Variants in POLA2 observed in about 807,000 individuals in gnomAD.
The protein encoded by POLA2 is DNA polymerase alpha subunit B.
POLA2 carries 47 observed loss-of-function variants against 82.8 expected under a neutral mutation model. The observed-to-expected ratio is 0.57, with a 90% CI of 0.45 to 0.72. The LOEUF (loss-of-function observed/expected upper bound fraction) is 0.72. Ranked by LOEUF, POLA2 falls within the 30% of genes least tolerant of loss-of-function variation. The pLI, the probability that POLA2 is intolerant of heterozygous loss-of-function variation, is 0.00. For synonymous variants in POLA2, 287 were observed against 286.8 expected, an observed-to-expected ratio of 1.00 and a Z score of -0.01; for missense variants, 634 against 728.1, an observed-to-expected ratio of 0.87 and a Z score of 1.49.
intron 4 of POLA2, among the ~76,000 whole-genome samples, chr11:65,270,710 C>G (rs950304172): frequency 6.6e-6 from 1 of 152,146 alleles, no homozygotes; most frequent in Non-Finnish European, 1.5e-5. Context: ...CCACTGCTAC[C>G]ACCAGGTCCA....
intron 4 of POLA2, among the ~76,000 whole-genome samples, 186 bp downstream of exon 4, chr11:65,268,915 T>C (rs1483300391): frequency 6.6e-6 from 1 of 152,246 alleles, no homozygotes; most frequent in East Asian, 1.9e-4. Context: ...TATAAACATA[T>C]AGTTATCCTG....
chr11:65,299,289 T>C (rs989678789), downstream of POLA2, among the ~76,000 whole-genome samples: 8 of 152,152 alleles, frequency 5.3e-5, no homozygotes, highest in African/African-American at 1.9e-4. Flanking sequence ...CCTGAAGAAA[T>C]AGTCCCGAGC....
chr11:65,265,045 G>A (rs1040395361), intron 1 of POLA2, among the ~76,000 whole-genome samples: 19 of 152,140 alleles, frequency 1.2e-4, no homozygotes, highest in African/African-American at 4.1e-4. Flanking sequence ...CCTGGCCAAC[G>A]TGGTGAAACC....
intron 13 of POLA2, among the ~76,000 whole-genome samples, chr11:65,290,230 AAG>A (rs376369398): frequency 1.3e-3 from 198 of 148,402 alleles, no homozygotes; most frequent in African/African-American, 4.6e-3. Context: ...CCTAGGCAAA[AAG>A]AGCGCAACTC....
chr11:65,296,948 CA>C (rs547282942), intron 17 of POLA2, among the ~76,000 whole-genome samples, 171 bp from the exon 18 acceptor site: 1,671 of 58,036 alleles, frequency 0.029, 22 homozygotes, highest in African/African-American at 0.076. Context: ...GACTCCATCT[CA>C]AAAAAAAAAA....
intron 10 of POLA2, 106 bp downstream of exon 10, chr11:65,282,627 C>A: frequency 2.1e-6 from 2 of 941,104 alleles, no homozygotes; most frequent in Non-Finnish European, 3.5e-6. Flanking sequence ...TGCTGAAGAG[C>A]AATGTGACCA....
chr11:65,286,272 T>C (rs2137560143), intron 10 of POLA2, among the ~76,000 whole-genome samples: 1 of 152,278 alleles, frequency 6.6e-6, no homozygotes, highest in East Asian at 1.9e-4. Flanking sequence ...GCAGGTGGCC[T>C]CTGAAAGCTG....
intron 4 of POLA2, among the ~76,000 whole-genome samples, chr11:65,269,916 C>T (rs2137505394): frequency 6.6e-6 from 1 of 152,306 alleles, no homozygotes. Flanking sequence ...GTCACTGCAA[C>T]CTCCGCCTCC....
downstream of POLA2, among the ~76,000 whole-genome samples, chr11:65,299,752 C>T (rs996744788): frequency 2.6e-5 from 4 of 152,168 alleles, no homozygotes; most frequent in Non-Finnish European, 4.4e-5. Context: ...AGTGCAGTGG[C>T]GCGATCTCGG....
downstream of POLA2, among the ~76,000 whole-genome samples, chr11:65,299,552 G>A (rs1357178991): frequency 2.6e-5 from 4 of 152,252 alleles, no homozygotes; most frequent in African/African-American, 7.2e-5. Context: ...GGGCCATGGC[G>A]CGGATCCTCC....
intron 9 of POLA2, 29 bp from the exon 10 acceptor site, chr11:65,282,450 C>A: frequency 1.2e-6 from 2 of 1,609,744 alleles, no homozygotes; most frequent in Non-Finnish European, 1.7e-6. Flanking sequence ...TGGCGCAAGA[C>A]CTTACTTGAG....
intron 7 of POLA2, 74 bp from the exon 8 acceptor site, chr11:65,280,918 C>A: frequency 6.9e-7 from 1 of 1,451,958 alleles, no homozygotes; most frequent in Non-Finnish European, 9.5e-7. Context: ...TTTTGCTATT[C>A]ACCCTATCGA....
At chr11:65,279,969 G>A (rs775881402) in intron 7 of POLA2, 22 of 217,224 alleles carry the variant, frequency 1.0e-4, no homozygotes, top group Non-Finnish European at 1.5e-4. Flanking sequence ...CGACGGTGGG[G>A]TTTTCAGAAT....
chr11:65,265,855 G>A (rs750707892), intron 1 of POLA2, among the ~76,000 whole-genome samples: 11 of 152,164 alleles, frequency 7.2e-5, no homozygotes, highest in Admixed American at 2.6e-4. Flanking sequence ...GCCCTAAGGC[G>A]CCCCAAGACT....
chr11:65,293,583 T>A (rs1949778107), intron 13 of POLA2, among the ~76,000 whole-genome samples: 1 of 138,550 alleles, frequency 7.2e-6, no homozygotes, highest in Non-Finnish European at 1.5e-5. Context: ...CACTCCGGCC[T>A]GGGCGACAGA....
intron 1 of POLA2, among the ~76,000 whole-genome samples, chr11:65,265,300 G>T (rs1208580401): frequency 6.7e-6 from 1 of 150,320 alleles, no homozygotes; most frequent in Non-Finnish European, 1.5e-5. Context: ...AAGTTCTTTT[G>T]TTGCCACCAC....
At chr11:65,299,836 C>T (rs186943852), downstream of POLA2, among the ~76,000 whole-genome samples, 359 of 152,118 alleles carry the variant, frequency 2.4e-3, 3 homozygotes, top group African/African-American at 8.2e-3. Context: ...AGATTACAGG[C>T]GCCTGCCACC....
At chr11:65,305,208 C>T (rs889023752) in intron 8 of POLA2, among the ~76,000 whole-genome samples, 82 of 152,138 alleles carry the variant, frequency 5.4e-4, no homozygotes, top group Non-Finnish European at 1.2e-4. Flanking sequence ...TCCCTCCAGG[C>T]CCCCCTCTCC....
chr11:65,262,241 G>A lies in POLA2; in HGVS notation c.-52G>A. 4.7e-6 allele frequency: 7 copies of A among 1,475,600 alleles called. No homozygotes were observed. The highest frequency in any genetic ancestry group is 6.6e-6 in the Non-Finnish European group (7 of 1,065,250). The allele number at this position is 1,475,600 out of a possible 1,614,324, so 91.4% of individuals were successfully genotyped here. A position where few individuals can be genotyped will look rare whatever the true frequency, so the allele number is the denominator to read the frequency against. On this transcript the variant is annotated 5_prime_UTR_variant, in exon 1 of 18. Transcript: ENST00000265465. ...CTCGCCACCCCCGTGGGCTTCTTGG[G>A]CGCAGGTCGGAGCTGGGTGGGCCGG...
Sources: gnomAD v4.1 joint callset for allele counts (sites outside exome capture counted in the v4.1 genomes callset) on GRCh38, gnomAD v4.1.1 for gene constraint, MANE v1.5 for transcripts, NCBI Gene and HGNC (gene_info 2026-07-23, HGNC 2026-07-21) for gene names.